MTR: variants seen among roughly 807,000 people sequenced by gnomAD.
MTR encodes the protein methionine synthase.
MTR carries 84 observed loss-of-function variants against 154.8 expected under a neutral mutation model. That is an observed-to-expected ratio of 0.54 (90% CI 0.45 to 0.65). MTR has a LOEUF of 0.65. Among genes scored for constraint, MTR ranks in the 30% least tolerant of loss-of-function variants. The pLI, the probability that MTR is intolerant of heterozygous loss-of-function variation, is 0.00. For missense variants in MTR, 1,275 were observed against 1,570.2 expected (o/e 0.81, Z 3.18); for synonymous variants, 554 against 553.9 (o/e 1.00, Z 0.00).
chr1:236,809,203 A>G (rs750692061), intron 4 of MTR, among the ~76,000 whole-genome samples: 4 of 152,206 alleles, frequency 2.6e-5, no homozygotes, highest in African/African-American at 7.2e-5. Context: ...TGGCTGATAT[A>G]GGTAAAGATA....
chr1:236,845,356 T>C (rs1322961737), intron 15 of MTR, among the ~76,000 whole-genome samples: 1 of 152,236 alleles, frequency 6.6e-6, no homozygotes, highest in Non-Finnish European at 1.5e-5. Flanking sequence ...TAAGGTAATG[T>C]TTTATCCCTA....
chr1:236,877,848 T>C (rs991003342), intron 24 of MTR, among the ~76,000 whole-genome samples: 1 of 152,218 alleles, frequency 6.6e-6, no homozygotes, highest in Non-Finnish European at 1.5e-5. Context: ...CCACAAGCAA[T>C]TGTGAAAGTT....
intron 31 of MTR, among the ~76,000 whole-genome samples, chr1:236,896,698 A>G (rs1666643284): frequency 1.3e-5 from 2 of 152,106 alleles, no homozygotes; most frequent in Admixed American, 6.5e-5. Flanking sequence ...GAGAAGGTCT[A>G]GGCTTAGGAG....
At chr1:236,820,516 C>A (rs1188031754) in intron 8 of MTR, 13 of 914,866 alleles carry the variant, frequency 1.4e-5, no homozygotes, top group Non-Finnish European at 2.1e-5. Context: ...ACTGAATGGT[C>A]TTAAGCTGTT....
chr1:236,888,199 C>T (rs1666125289), intron 27 of MTR, among the ~76,000 whole-genome samples: 1 of 152,168 alleles, frequency 6.6e-6, no homozygotes, highest in East Asian at 1.9e-4. Flanking sequence ...TTCCCTGATC[C>T]CTGGTTACAA....
chr1:236,795,506 C>G lies in MTR; in HGVS notation c.-198C>G, dbSNP rs886046215. On this transcript the variant is annotated 5_prime_UTR_variant, in exon 1 of 33. Transcript: ENST00000366577. The stretch of plus-strand genomic sequence containing the variant: ...CTCCAGCAGTTGCCGCGCCCAGCCC[C>G]GAGAGAGGCCCTAGGGCGCTGCGGG... 4 of 1,522,936 alleles carry G rather than the reference C, an allele frequency of 2.6e-6. No individual in the cohort carries two copies. Among genetic ancestry groups the G allele is most frequent in the East Asian group, 2.5e-5 (1 of 40,252 alleles). The allele number at this position is 1,522,936 out of a possible 1,614,324, so 94.3% of individuals were successfully genotyped here.
intron 18 of MTR, among the ~76,000 whole-genome samples, chr1:236,853,644 A>G (rs756939792): frequency 7.2e-5 from 11 of 152,106 alleles, no homozygotes; most frequent in Non-Finnish European, 1.3e-4. Flanking sequence ...CTACCTCATT[A>G]TTTAAAATAG....
intron 1 of MTR, chr1:236,800,177 T>G: frequency 2.0e-6 from 2 of 985,410 alleles, no homozygotes; most frequent in Non-Finnish European, 2.4e-6. Context: ...ACTCGCTCAG[T>G]GGAGGAGATA....
chr1:236,809,437 T>C (rs1049251930), intron 4 of MTR, among the ~76,000 whole-genome samples: 1 of 152,198 alleles, frequency 6.6e-6, no homozygotes, highest in Non-Finnish European at 1.5e-5. Context: ...CCTTAAGACT[T>C]GGAAACGTGA....
At position 236,812,876 on chromosome 1, in the gene MTR, G is replaced by A; in HGVS notation, c.609+32G>A. The stretch of plus-strand genomic sequence containing the variant: ...TAAGGGAGAAAAAACAGACAAGGCT[G>A]GGGTAAGGGCTGTGGGTGAGTCCCC... On this transcript the variant is annotated intron_variant, in intron 6 of 32. Coordinates refer to ENST00000366577, the MANE Select transcript of MTR (RefSeq NM_000254.3). 2.6e-6 allele frequency: 4 copies of A among 1,568,124 alleles called. No individual in the cohort carries two copies. In the South Asian group the frequency reaches 4.4e-5, roughly 17 times the overall value.
intron 8 of MTR, among the ~76,000 whole-genome samples, chr1:236,817,261 A>G (rs1432427410): frequency 6.6e-6 from 1 of 150,404 alleles, no homozygotes; most frequent in East Asian, 2.0e-4. Context: ...TTTTTCTTCT[A>G]TTCCTACTGC....
At chr1:236,808,953 A>T (rs894707376) in intron 4 of MTR, among the ~76,000 whole-genome samples, 180 bp downstream of exon 4, 10 of 152,200 alleles carry the variant, frequency 6.6e-5, no homozygotes, top group Admixed American at 2.0e-4. Flanking sequence ...AGCACTCAAC[A>T]TCTTTGAATT....
intron 11 of MTR, among the ~76,000 whole-genome samples, chr1:236,827,638 C>G (rs1662366760): frequency 6.6e-6 from 1 of 152,154 alleles, no homozygotes; most frequent in Non-Finnish European, 1.5e-5. Flanking sequence ...CAACAGGTAT[C>G]TTGAGGTCAG....
chr1:236,804,659 A>T (rs1053834311), intron 2 of MTR, among the ~76,000 whole-genome samples: 4 of 152,172 alleles, frequency 2.6e-5, no homozygotes, highest in African/African-American at 9.7e-5. Context: ...TCTTTTAAAA[A>T]AAACTTAAAT....
intron 25 of MTR, among the ~76,000 whole-genome samples, chr1:236,882,391 A>ATT (rs34832362): frequency 3.7e-5 from 5 of 134,410 alleles, no homozygotes; most frequent in African/African-American, 8.3e-5. Flanking sequence ...CCCCTTCACC[A>ATT]TTTTTTTTTT....
rs775774568 is a variant in MTR at position 236,816,490 on chromosome 1, C to G, written c.711C>G (p.Ser237=). 2 of 1,613,938 alleles carry G rather than the reference C, an allele frequency of 1.2e-6. No homozygotes were observed. The highest frequency in any genetic ancestry group is 1.3e-5 in the African/African-American group (1 of 74,882). Residue 237 remains serine (S), a synonymous_variant, in exon 8 of 33, where the codon TCC becomes TCG. Transcript: ENST00000366577. ...TTGATAAAAGTGGGCGGACTCTTTC[C>G]GGACAGACAGGAGAGGGATTTGTCA... The part of the protein sequence containing the change: ...TIVDKSGRTL[S]GQTGEGFVIS...
intron 3 of MTR, among the ~76,000 whole-genome samples, chr1:236,807,040 A>G (rs768572833): frequency 2.6e-4 from 39 of 152,300 alleles, no homozygotes; most frequent in Admixed American, 7.2e-4. Flanking sequence ...CAATGTTGCT[A>G]TATACATGTA....
chr1:236,870,072 T>C (rs926995141), intron 22 of MTR, among the ~76,000 whole-genome samples: 6 of 152,320 alleles, frequency 3.9e-5, no homozygotes, highest in African/African-American at 1.4e-4. Context: ...TCTTTCCTGC[T>C]GGAGAGTGGA....
chr1:236,866,440 CG>C (rs1252311357), intron 22 of MTR, among the ~76,000 whole-genome samples: 1 of 152,124 alleles, frequency 6.6e-6, no homozygotes, highest in East Asian at 1.9e-4. Context: ...TCCCTTTCCT[CG>C]GGCCTCCATA....
Sources: gnomAD v4.1 joint callset for allele counts (sites outside exome capture counted in the v4.1 genomes callset) on GRCh38, gnomAD v4.1.1 for gene constraint, MANE v1.5 for transcripts, NCBI Gene and HGNC (gene_info 2026-07-23, HGNC 2026-07-21) for gene names.